OOSP3: variants seen among roughly 807,000 people sequenced by gnomAD.
OOSP3 encodes the protein oocyte secreted protein family member 3, also known as oocyte-secreted protein 3.
chr11:59,895,472 T>C, intron 3 of OOSP3, 30 bp from the exon 4 acceptor site: 1 of 398,232 alleles, frequency 2.5e-6, no homozygotes, highest in Non-Finnish European at 4.4e-6. Flanking sequence ...TAATCTGATG[T>C]GCAAATTGTG....
chr11:59,896,113 C>G lies in OOSP3; in HGVS notation c.502-20C>G. ...TACATTGGAAACTTTTTATTAACTA[C>G]CTTTCTTTTTTCTCTGTAGGTAGAG... On this transcript the variant is annotated intron_variant, in intron 4 of 4. Coordinates refer to ENST00000646438, the Ensembl canonical transcript of OOSP3. 2.5e-6 allele frequency: 1 copy of G among 398,274 alleles called. No individual in the cohort carries two copies. The highest frequency in any genetic ancestry group is 4.4e-6 in the Non-Finnish European group (1 of 225,832). The allele number at this position is 398,274 out of a possible 1,614,324, so 24.7% of individuals were successfully genotyped here.
chr11:59,888,948 T>C (rs1853285924), intron 2 of OOSP3, among the ~76,000 whole-genome samples: 1 of 152,172 alleles, frequency 6.6e-6, no homozygotes, highest in Admixed American at 6.5e-5. Flanking sequence ...GTTTGTTTGG[T>C]TGGTAGGCTA....
At chr11:59,886,437 A>G (rs1415789922) in intron 2 of OOSP3, among the ~76,000 whole-genome samples, 1 of 152,188 alleles carries the variant, frequency 6.6e-6, no homozygotes, top group Non-Finnish European at 1.5e-5. Context: ...AAATGCATGT[A>G]TCCTTGTAAC....
chr11:59,895,782 A>G (rs1011250965), intron 4 of OOSP3, 130 bp downstream of exon 4: 2 of 396,574 alleles, frequency 5.0e-6, no homozygotes, highest in Non-Finnish European at 8.9e-6. Context: ...TAACTACATG[A>G]TGGGTCTCAC....
intron 2 of OOSP3, among the ~76,000 whole-genome samples, chr11:59,888,774 T>C (rs1853284582): frequency 6.6e-6 from 1 of 152,176 alleles, no homozygotes; most frequent in Non-Finnish European, 1.5e-5. Flanking sequence ...TTGTTGTATC[T>C]CTGTCAGGGT....
intron 2 of OOSP3, among the ~76,000 whole-genome samples, chr11:59,881,570 G>A (rs1445652129): frequency 6.6e-6 from 1 of 152,160 alleles, no homozygotes; most frequent in Non-Finnish European, 1.5e-5. Context: ...CTTTGGTGGA[G>A]GAAGAAAAGT....
intron 4 of OOSP3, among the ~76,000 whole-genome samples, 195 bp downstream of exon 4, chr11:59,895,847 C>G (rs568969305): frequency 1.3e-5 from 2 of 152,138 alleles, no homozygotes; most frequent in Non-Finnish European, 2.9e-5. Context: ...CTACATATAT[C>G]CTGGTCTTGT....
chr11:59,882,042 T>G (rs1031947262), intron 2 of OOSP3, among the ~76,000 whole-genome samples: 6 of 152,234 alleles, frequency 3.9e-5, no homozygotes, highest in Admixed American at 1.3e-4. Flanking sequence ...AGATTTTTAA[T>G]TTCTTTGGCC....
chr11:59,880,396 A>G, exon 2 of OOSP3: 1 of 398,576 alleles, frequency 2.5e-6, no homozygotes, highest in Non-Finnish European at 4.4e-6. Flanking sequence ...GCGAAGGGAT[A>G]TGAGTTTAAT....
At chr11:59,883,132 A>G (rs1480698940) in intron 2 of OOSP3, among the ~76,000 whole-genome samples, 1 of 152,020 alleles carries the variant, frequency 6.6e-6, no homozygotes, top group Non-Finnish European at 1.5e-5. Context: ...ATAGTCTTTT[A>G]TTTTTCTAAA....
At chr11:59,884,467 GTCTGTCTGTCTCTCTCTCTCTCTCTC>G (rs1398116832) in intron 2 of OOSP3, among the ~76,000 whole-genome samples, 94 of 121,980 alleles carry the variant, frequency 7.7e-4, no homozygotes, top group African/African-American at 2.9e-3. Context: ...CTGTCTGTCT[GTCTGTCTGTCTCTCTCTCTCTCTCTC>G]TCTCTCTCTC....
chr11:59,883,715 T>C (rs1853223780), intron 2 of OOSP3, among the ~76,000 whole-genome samples: 1 of 152,186 alleles, frequency 6.6e-6, no homozygotes. Flanking sequence ...TGCGAAACTT[T>C]TTCTGTCTTA....
At chr11:59,889,131 G>A (rs1410480358) in intron 2 of OOSP3, among the ~76,000 whole-genome samples, 1 of 152,052 alleles carries the variant, frequency 6.6e-6, no homozygotes, top group Admixed American at 6.6e-5. Flanking sequence ...TGTAGGGTCA[G>A]TGGTGGTATC....
chr11:59,881,540 A>G (rs548398308), intron 2 of OOSP3, among the ~76,000 whole-genome samples: 14 of 152,306 alleles, frequency 9.2e-5, no homozygotes, highest in African/African-American at 3.1e-4. Flanking sequence ...ACAGCAACAT[A>G]CAGACTATTC....
intron 2 of OOSP3, among the ~76,000 whole-genome samples, chr11:59,887,548 T>C (rs1853274388): frequency 6.6e-6 from 1 of 152,204 alleles, no homozygotes; most frequent in Non-Finnish European, 1.5e-5. Flanking sequence ...ATTTATTAAA[T>C]AGGAAATCCT....
At chr11:59,882,271 T>A (rs957681191) in intron 2 of OOSP3, among the ~76,000 whole-genome samples, 21 of 152,002 alleles carry the variant, frequency 1.4e-4, no homozygotes, top group Non-Finnish European at 2.5e-4. Flanking sequence ...AAGATTTTTT[T>A]TTTTCCCCCC....
In OOSP3 at chr11:59,886,869, C is replaced by A. The variant is rs376057893; in HGVS notation, c.252+6430C>A. 1.6e-4 allele frequency among the ~76,000 whole-genome samples: 24 copies of A among 151,244 alleles called. 1 individual carries two copies. The East Asian group carries it at 2.3e-3, about 15-fold the overall frequency. ...GCAGTGGTGTGATCTTGGCTCACTG[C>A]AACCTCCGCCTCCCAGATTCAAGCG... On this transcript the variant is annotated intron_variant, in intron 2 of 4. Coordinates refer to ENST00000646438, the Ensembl canonical transcript of OOSP3.
intron 3 of OOSP3, among the ~76,000 whole-genome samples, chr11:59,895,260 T>C (rs1853344909): frequency 6.6e-6 from 1 of 151,698 alleles, no homozygotes; most frequent in Non-Finnish European, 1.5e-5. Flanking sequence ...GTTTTCTGTT[T>C]AGAATACATT....
intron 2 of OOSP3, among the ~76,000 whole-genome samples, chr11:59,888,316 G>A (rs1853280705): frequency 6.6e-6 from 1 of 152,012 alleles, no homozygotes; most frequent in Non-Finnish European, 1.5e-5. Context: ...TGATTGCTCT[G>A]GCCAGAACTT....
Sources: allele counts gnomAD v4.1 joint callset (sites outside exome capture counted in the v4.1 genomes callset), GRCh38; gene constraint gnomAD v4.1.1; transcripts MANE v1.5; gene names NCBI Gene and HGNC (gene_info 2026-07-23, HGNC 2026-07-21).